The following MAST2 variants were observed in gnomAD, a reference collection of about 807,000 sequenced individuals.
MAST2 encodes the protein microtubule associated serine/threonine kinase 2, also known as microtubule-associated serine/threonine-protein kinase 2.
In MAST2, 70 loss-of-function variants were observed where a neutral mutation model predicts 147.4. The observed-to-expected ratio is 0.47, with a 90% confidence interval of 0.39 to 0.58. MAST2 has a LOEUF of 0.58. MAST2 is among the 20% of genes least tolerant of loss of function. The pLI, the probability that MAST2 is intolerant of heterozygous loss-of-function variation, is 0.00. For synonymous variants in MAST2, 869 were observed against 896.8 expected, an observed-to-expected ratio of 0.97 and a Z score of 0.55; for missense variants, 2,080 against 2,302.3, an observed-to-expected ratio of 0.90 and a Z score of 1.98.
intron 11 of MAST2, among the ~76,000 whole-genome samples, chr1:46,021,612 G>T (rs1646183445): frequency 6.6e-6 from 1 of 152,148 alleles, no homozygotes; most frequent in African/African-American, 2.4e-5. Context: ...GACAGCTGTG[G>T]ACTGGGCATC....
At chr1:45,994,205 G>A (rs1473569574) in intron 5 of MAST2, among the ~76,000 whole-genome samples, 2 of 148,332 alleles carry the variant, frequency 1.3e-5, no homozygotes, top group Non-Finnish European at 3.0e-5. Context: ...TTAATCTCTA[G>A]CCCCTCTCCA....
intron 5 of MAST2, among the ~76,000 whole-genome samples, chr1:45,962,792 A>T (rs1660622762): frequency 6.6e-6 from 1 of 151,994 alleles, no homozygotes; most frequent in Non-Finnish European, 1.5e-5. Context: ...CCCATTTGTC[A>T]ATTTTGGCTT....
Position 45,878,644 on chromosome 1 carries a change from T to C in MAST2, c.469-3720T>C, listed in dbSNP as rs148791006. Among the ~76,000 whole-genome samples the C allele has an allele frequency of 5.8e-4, 88 of 152,248 alleles. No individual in the cohort carries two copies. The East Asian group carries it at 0.013, about 23-fold the overall frequency. On this transcript the variant is annotated intron_variant, in intron 3 of 28. Transcript: ENST00000361297. ...AAAACATTTATGATTAATAATAATT[T>C]TACCAAAGTATAGGATACATGGTCA... is the stretch of plus-strand genomic sequence containing the variant.
At chr1:45,881,152 A>G (rs1646829551) in intron 3 of MAST2, among the ~76,000 whole-genome samples, 1 of 152,154 alleles carries the variant, frequency 6.6e-6, no homozygotes, top group African/African-American at 2.4e-5. Flanking sequence ...CTTTTTCTAC[A>G]TGCGCACTAG....
In MAST2 at chr1:45,967,394, G is replaced by A. The variant is rs75357390; in HGVS notation, c.592+7917G>A. ...CTTGCATATAACTTTTGACTGCCCCGAAATTTAACTACTAATAGCCTGCTG... is the reference window on the plus strand; with the variant it reads ...CTTGCATATAACTTTTGACTGCCCCAAAATTTAACTACTAATAGCCTGCTG... On this transcript the variant is annotated intron_variant, in intron 5 of 28. Transcript: ENST00000361297. 2.0e-4 allele frequency among the ~76,000 whole-genome samples: 30 copies of A among 152,134 alleles called. No homozygotes were observed. In the East Asian group the frequency reaches 4.6e-3, roughly 24 times the overall value.
Position 46,010,759 on chromosome 1 carries a change from A to G in MAST2, c.1008A>G (p.Ala336=). The G allele has an allele frequency of 6.2e-7, 1 of 1,613,934 alleles. No individual in the cohort carries two copies. Among genetic ancestry groups the G allele is most frequent in the Non-Finnish European group, 8.5e-7 (1 of 1,179,960 alleles). Residue 336 remains alanine, a synonymous_variant, in exon 10 of 29, where the codon GCA becomes GCG. Coordinates refer to ENST00000361297, the MANE Select transcript of MAST2 (RefSeq NM_015112.3). ...CCGCACAAATGGAAGAGCGACTAGC[A>G]GAGTTTATTTCCTCCAACACTCCAG... ...KATAQMEERL[A]EFISSNTPDS...
At chr1:46,033,521 C>T (rs1646768135) in intron 26 of MAST2, among the ~76,000 whole-genome samples, 1 of 152,110 alleles carries the variant, frequency 6.6e-6, no homozygotes, top group African/African-American at 2.4e-5. Flanking sequence ...CAGTACCCTC[C>T]CTGACTAAGG....
chr1:45,943,940 A>C (rs1458218869), intron 4 of MAST2, among the ~76,000 whole-genome samples: 1 of 152,148 alleles, frequency 6.6e-6, no homozygotes, highest in African/African-American at 2.4e-5. Context: ...TGTTTAAGGT[A>C]GGGGTGTTCC....
At chr1:45,843,159 G>A (rs1326501431) in intron 3 of MAST2, among the ~76,000 whole-genome samples, 1 of 151,642 alleles carries the variant, frequency 6.6e-6, no homozygotes, top group Non-Finnish European at 1.5e-5. Flanking sequence ...TTTTAAGTTT[G>A]TTATATATTC....
intron 4 of MAST2, among the ~76,000 whole-genome samples, chr1:45,937,228 G>A (rs1444427247): frequency 1.6e-5 from 1 of 63,890 alleles, no homozygotes; most frequent in Non-Finnish European, 2.8e-5. Flanking sequence ...GCACCACCAT[G>A]GGCAGCTTTT....
intron 6 of MAST2, chr1:46,000,904 A>T: frequency 8.1e-7 from 1 of 1,236,628 alleles, no homozygotes; most frequent in Non-Finnish European, 1.1e-6. Flanking sequence ...ATTCAAAAAG[A>T]TCACTCTCTC....
intron 4 of MAST2, among the ~76,000 whole-genome samples, chr1:45,914,305 C>G (rs1422973823): frequency 1.3e-5 from 2 of 152,320 alleles, no homozygotes; most frequent in Admixed American, 6.5e-5. Flanking sequence ...GACCTCAGAT[C>G]TGCCCTTGCA....
chr1:45,900,001 C>G (rs1020457817), intron 4 of MAST2, among the ~76,000 whole-genome samples: 2 of 151,364 alleles, frequency 1.3e-5, no homozygotes, highest in African/African-American at 4.9e-5. Context: ...AAAACCCTGT[C>G]TCTACTAAAA....
rs187033887 is a variant in MAST2, at chr1:45,837,029, G to A, written c.468+7448G>A. 5.6e-3 allele frequency among the ~76,000 whole-genome samples: 846 copies of A among 152,272 alleles called. 6 individuals carry two copies. The highest frequency in any genetic ancestry group is 7.5e-3 in the Non-Finnish European group (507 of 68,018). On this transcript the variant is annotated intron_variant, in intron 3 of 28. Coordinates refer to ENST00000361297, the MANE Select transcript of MAST2 (RefSeq NM_015112.3). ...TTCACAATAGGGTTCATGCCCCTACGAGAATCTAATGCTGTGCTGCTGATC... is the reference window on the plus strand; with the variant it reads ...TTCACAATAGGGTTCATGCCCCTACAAGAATCTAATGCTGTGCTGCTGATC...
intron 15 of MAST2, among the ~76,000 whole-genome samples, chr1:46,024,729 C>T (rs1646330392): frequency 6.6e-6 from 1 of 152,162 alleles, no homozygotes; most frequent in African/African-American, 2.4e-5. Context: ...AAAGTAATTG[C>T]ATGTTTGCCA....
Position 45,963,704 on chromosome 1 carries a change from C to G in MAST2, c.592+4227C>G, listed in dbSNP as rs1183376793. The stretch of plus-strand genomic sequence containing the variant: ...TCTAGATATACAATCATGTCATCTG[C>G]AAACAGGGACAATTTGACTTCCTCT... On this transcript the variant is annotated intron_variant, in intron 5 of 28. Coordinates refer to ENST00000361297, the MANE Select transcript of MAST2 (RefSeq NM_015112.3). Among the ~76,000 whole-genome samples, 6 of 152,302 alleles carry G rather than the reference C, an allele frequency of 3.9e-5. No homozygotes were observed. The East Asian group carries it at 7.7e-4, about 20-fold the overall frequency.
intron 1 of MAST2, among the ~76,000 whole-genome samples, chr1:45,810,444 C>G (rs909871596): frequency 6.6e-6 from 1 of 152,098 alleles, no homozygotes; most frequent in African/African-American, 2.4e-5. Context: ...AGACCCAGAG[C>G]TTTACGTTGA....
At chr1:45,973,142 GTAT>G (rs1643989613) in intron 5 of MAST2, among the ~76,000 whole-genome samples, 1 of 151,264 alleles carries the variant, frequency 6.6e-6, no homozygotes, top group Admixed American at 6.6e-5. Flanking sequence ...TTCTACTCCT[GTAT>G]TATTCTTTTT....
intron 5 of MAST2, among the ~76,000 whole-genome samples, chr1:45,971,715 T>G (rs1643920268): frequency 6.6e-6 from 1 of 152,238 alleles, no homozygotes. Context: ...GGCATTAAAT[T>G]GATAACCAGC....
Sources: allele counts gnomAD v4.1 joint callset (sites outside exome capture counted in the v4.1 genomes callset), GRCh38; gene constraint gnomAD v4.1.1; transcripts MANE v1.5; gene names NCBI Gene and HGNC (gene_info 2026-07-23, HGNC 2026-07-21).